PCDHGA10: variants seen among roughly 807,000 people sequenced by gnomAD.
The protein encoded by PCDHGA10 is protocadherin gamma subfamily A, 10.
PCDHGA10 carries 42 observed loss-of-function variants against 59.5 expected under a neutral mutation model. The observed-to-expected ratio is 0.71, with a 90% CI of 0.55 to 0.91. The LOEUF (loss-of-function observed/expected upper bound fraction) is 0.91, where lower values mean the gene tolerates loss of function less well. PCDHGA10 is among the 40% of genes least tolerant of loss of function. The probability of loss-of-function intolerance (pLI) is 0.00; values close to 1 mark genes in which losing one functional copy is unlikely to be tolerated. For missense variants in PCDHGA10, 1,111 were observed against 1,198.2 expected (o/e 0.93, Z 1.07); for synonymous variants, 511 against 517.2 (o/e 0.99, Z 0.16).
intron 1 of PCDHGA10, chr5:141,440,191 A>G (rs1239698049): frequency 1.3e-5 from 2 of 152,376 alleles, no homozygotes; most frequent in African/African-American, 4.8e-5. Context: ...GTTGAAGGCC[A>G]GGCATGGTGG....
rs1193674962 is a variant in PCDHGA10, at chr5:141,413,432, G to A, written c.257G>A (p.Gly86Asp). The A allele has an allele frequency of 6.2e-7, 1 of 1,613,992 alleles. No homozygotes were observed. The highest frequency in any genetic ancestry group is 1.3e-5 in the African/African-American group (1 of 74,952). The part of the protein sequence containing the change: ...TQLFSLNPRS[G>D]SLITAGRIDR... ...CTTTTCTCTCTGAACCCGCGCAGCG[G>A]CAGCTTGATCACCGCGGGCAGGATA... Residue 86 changes from glycine to aspartate, a missense_variant, in exon 1 of 4, where the codon GGC becomes GAC. Physicochemically the swap from Gly to Asp is moderately conservative, Grantham distance 94. Transcript: ENST00000398610.
At position 141,486,108 on chromosome 5, in the gene PCDHGA10, G is replaced by A. The variant is rs1184123075; in HGVS notation, c.2437-8699G>A. ...CTTTTGGGGCCCCTAGACTTTGAGA[G>A]TGAGAATTACTATGAATTTGATGTG... On this transcript the variant is annotated intron_variant, in intron 1 of 3. Coordinates refer to ENST00000398610, the MANE Select transcript of PCDHGA10 (RefSeq NM_018913.3). The surrounding 1 kb of genome is among the most constrained non-coding windows in gnomAD (Gnocchi z 5.0). 6 of 1,614,206 alleles carry A rather than the reference G, an allele frequency of 3.7e-6. No individual in the cohort carries two copies. Among genetic ancestry groups the A allele is most frequent in the South Asian group, 3.3e-5 (3 of 91,084 alleles).
At chr5:141,458,496 A>G (rs905073741) in intron 1 of PCDHGA10, among the ~76,000 whole-genome samples, 1 of 151,694 alleles carries the variant, frequency 6.6e-6, no homozygotes, top group Non-Finnish European at 1.5e-5. Flanking sequence ...CTGCCTGTAC[A>G]TACTGTTTGA....
rs1456451105 is a variant in PCDHGA10 at position 141,477,377 on chromosome 5, C to T, written c.2437-17430C>T. Reference sequence around the variant, plus strand: ...TGCAGACCTGGATCGGGAGACTGTGCCAGAATACAACCTCAGCATCACCGC... The same window carrying T: ...TGCAGACCTGGATCGGGAGACTGTGTCAGAATACAACCTCAGCATCACCGC... On this transcript the variant is annotated intron_variant, in intron 1 of 3. Coordinates refer to ENST00000398610, the MANE Select transcript of PCDHGA10 (RefSeq NM_018913.3). This position sits in a 1 kb window ranked among gnomAD's most constrained non-coding sequence, Gnocchi z 4.9. 1 of 1,614,144 alleles carries T rather than the reference C, an allele frequency of 6.2e-7. No homozygotes were observed. Among genetic ancestry groups the T allele is most frequent in the South Asian group, 1.1e-5 (1 of 91,080 alleles).
At chr5:141,434,698 A>G (rs2097710714) in intron 1 of PCDHGA10, among the ~76,000 whole-genome samples, 1 of 152,070 alleles carries the variant, frequency 6.6e-6, no homozygotes, top group South Asian at 2.1e-4. Context: ...GTTAATAAAT[A>G]TGTGGGTAAA....
chr5:141,486,379 G>A lies in PCDHGA10; in HGVS notation c.2437-8428G>A. 2 of 1,614,094 alleles carry A rather than the reference G, an allele frequency of 1.2e-6. No individual in the cohort carries two copies. Among genetic ancestry groups the A allele is most frequent in the Non-Finnish European group, 1.7e-6 (2 of 1,180,000 alleles). ...CATTTGCCCTCAAGTCTGCCTTCAG[G>A]AACCAGTTCTCCCTGGTGACTGCTG... On this transcript the variant is annotated intron_variant, in intron 1 of 3. Transcript: ENST00000398610. The surrounding 1 kb of genome is among the most constrained non-coding windows in gnomAD (Gnocchi z 5.0).
In PCDHGA10 at chr5:141,414,656, C is replaced by A. The variant is rs1409573217; in HGVS notation, c.1481C>A (p.Ser494Tyr). The A allele has an allele frequency of 1.2e-5, 20 of 1,614,008 alleles. No individual in the cohort carries two copies. Among genetic ancestry groups the A allele is most frequent in the Non-Finnish European group, 1.7e-5 (20 of 1,179,888 alleles). The change falls in exon 1 of 4, where the codon TCC becomes TAC. Residue 494 changes from serine (S) to tyrosine (Y), a missense_variant. By Grantham distance (144) the Ser-to-Tyr change is moderately radical (BLOSUM62 -2). Transcript: ENST00000398610. ...DSKENAQIIY[S>Y]LAEDTIQGVP... ...AAAGAGAATGCCCAGATTATTTACTCCCTGGCTGAAGACACCATCCAGGGG... is the reference window on the plus strand; with the variant it reads ...AAAGAGAATGCCCAGATTATTTACTACCTGGCTGAAGACACCATCCAGGGG...
chr5:141,442,321 C>G (rs1323525940), intron 1 of PCDHGA10: 1 of 152,360 alleles, frequency 6.6e-6, no homozygotes, highest in African/African-American at 2.4e-5. Context: ...ATGTCTATCC[C>G]GCGCTAAGCC....
At chr5:141,447,797 T>C (rs536848880) in intron 1 of PCDHGA10, among the ~76,000 whole-genome samples, 16 of 152,022 alleles carry the variant, frequency 1.1e-4, no homozygotes, top group Admixed American at 7.9e-4. Context: ...TTTAAGAAAA[T>C]AAAATTGGCT....
chr5:141,470,794 C>T (rs1332287628), intron 1 of PCDHGA10, among the ~76,000 whole-genome samples: 1 of 152,162 alleles, frequency 6.6e-6, no homozygotes, highest in African/African-American at 2.4e-5. Flanking sequence ...CTCAAGCAAT[C>T]CTCCCACTTC....
At position 141,476,043 on chromosome 5, in the gene PCDHGA10, A is replaced by T. The variant is rs2099384502; in HGVS notation, c.2437-18764A>T. 1 of 1,492,156 alleles carries T rather than the reference A, an allele frequency of 6.7e-7. No individual in the cohort carries two copies. Among genetic ancestry groups the T allele is most frequent in the African/African-American group, 1.4e-5 (1 of 71,628 alleles). The allele number at this position is 1,492,156 out of a possible 1,614,324, so 92.4% of individuals were successfully genotyped here. On this transcript the variant is annotated intron_variant, in intron 1 of 3. Coordinates refer to ENST00000398610, the MANE Select transcript of PCDHGA10 (RefSeq NM_018913.3). The surrounding 1 kb of genome is among the most constrained non-coding windows in gnomAD (Gnocchi z 7.6). ...ACTCGGCGCCCAGCGCCCAAGCGCT[A>T]ACCCGCTGAAAGTTTCTCAGCGAAA...
At position 141,511,140 on chromosome 5, in the gene PCDHGA10, C is replaced by G. The variant is rs1405623579; in HGVS notation, c.2778C>G (p.Asn926Lys). Residue 926 changes from asparagine (N) to lysine (K), a missense_variant, in exon 4 of 4, where the codon AAC becomes AAG. Physicochemically the swap from Asn to Lys is moderately conservative, Grantham distance 94. Transcript: ENST00000398610. ...AGGCCCCAGCAGGTGGCAATGGCAACAAGAAGAAGTCGGGCAAGAAGGAGA... is the reference window on the plus strand; with the variant it reads ...AGGCCCCAGCAGGTGGCAATGGCAAGAAGAAGAAGTCGGGCAAGAAGGAGA... Reference protein sequence around the residue: ...DGKAPAGGNGNKKKSGKKEKK With the variant: ...DGKAPAGGNGKKKKSGKKEKK 2.5e-6 allele frequency: 4 copies of G among 1,614,068 alleles called. No homozygotes were observed. Among genetic ancestry groups the G allele is most frequent in the Admixed American group, 1.7e-5 (1 of 60,008 alleles).
At position 141,490,124 on chromosome 5, in the gene PCDHGA10, T is replaced by C. The variant is rs1216088470; in HGVS notation, c.2437-4683T>C. On this transcript the variant is annotated intron_variant, in intron 1 of 3. Transcript: ENST00000398610. The surrounding 1 kb of genome is among the most constrained non-coding windows in gnomAD (Gnocchi z 5.4). ...GAGGCAGTGCGGAACCTCTTTGGCCTAGACCCTAGCAGTGGGGCAATCCAT... is the reference window on the plus strand; with the variant it reads ...GAGGCAGTGCGGAACCTCTTTGGCCCAGACCCTAGCAGTGGGGCAATCCAT... 6.2e-7 allele frequency: 1 copy of C among 1,614,144 alleles called. No individual in the cohort carries two copies. Among genetic ancestry groups the C allele is most frequent in the Non-Finnish European group, 8.5e-7 (1 of 1,180,054 alleles).
At chr5:141,419,640 T>C (rs2096410171) in intron 1 of PCDHGA10, 2 of 1,612,532 alleles carry the variant, frequency 1.2e-6, no homozygotes. Context: ...GTGGTGGCCG[T>C]GGACGCGGAC....
At chr5:141,433,605 G>C (rs1411907056) in intron 1 of PCDHGA10, among the ~76,000 whole-genome samples, 1 of 152,114 alleles carries the variant, frequency 6.6e-6, no homozygotes. Context: ...GGAGGCCGAG[G>C]CGGGTGGATC....
intron 1 of PCDHGA10, 183 bp downstream of exon 1, chr5:141,415,794 A>G: frequency 1.5e-6 from 2 of 1,366,408 alleles, no homozygotes; most frequent in Non-Finnish European, 1.9e-6. Context: ...AAATTCACCT[A>G]GTCTCAATCA....
intron 1 of PCDHGA10, chr5:141,421,947 C>T: frequency 6.2e-7 from 1 of 1,613,118 alleles, no homozygotes; most frequent in African/African-American, 1.3e-5. Context: ...ATGATCACAT[C>T]CCAATGTTTA....
intron 1 of PCDHGA10, chr5:141,475,927 G>A: frequency 1.6e-6 from 1 of 628,480 alleles, no homozygotes; most frequent in South Asian, 2.1e-5. Flanking sequence ...CTGGAGATCG[G>A]GCCCCTGCCC....
chr5:141,418,360 G>A (rs544948410), intron 1 of PCDHGA10: 3 of 1,613,990 alleles, frequency 1.9e-6, no homozygotes, highest in Non-Finnish European at 2.5e-6. Context: ...TGAATTCGCT[G>A]AGCAAATACC....
Sources: gnomAD v4.1 joint callset for allele counts (sites outside exome capture counted in the v4.1 genomes callset) on GRCh38, gnomAD v4.1.1 for gene constraint, Gnocchi (gnomAD v3.1) non-coding constraint, MANE v1.5 for transcripts, NCBI Gene and HGNC (gene_info 2026-07-23, HGNC 2026-07-21) for gene names.